AGBL1: variants seen among roughly 807,000 people sequenced by gnomAD.
The protein encoded by AGBL1 is cytosolic carboxypeptidase 4.
Under a neutral mutation model 118.9 loss-of-function variants are expected in AGBL1, and 130 were observed. That is an observed-to-expected ratio of 1.09 (90% CI 0.95 to 1.26). The LOEUF is 1.26. AGBL1 is among the 50% of genes most tolerant of loss of function. AGBL1 has a pLI of 0.00. For missense variants in AGBL1, 1,584 were observed against 1,298.1 expected (o/e 1.22, Z -3.38); for synonymous variants, 555 against 478.9 (o/e 1.16, Z -2.08).
At chr15:86,976,167 C>G (rs182107413) in intron 23 of AGBL1, among the ~76,000 whole-genome samples, 22 of 150,210 alleles carry the variant, frequency 1.5e-4, no homozygotes, top group African/African-American at 5.1e-4. Context: ...TATGATTTTA[C>G]TTATTTATGT....
At chr15:86,474,402 T>C (rs1304382004) in intron 18 of AGBL1, among the ~76,000 whole-genome samples, 1 of 152,200 alleles carries the variant, frequency 6.6e-6, no homozygotes, top group Non-Finnish European at 1.5e-5. Flanking sequence ...CCAATGGTCT[T>C]AGCAAGTGGC....
At chr15:86,177,755 A>G (rs2077500714) in intron 5 of AGBL1, among the ~76,000 whole-genome samples, 1 of 152,232 alleles carries the variant, frequency 6.6e-6, no homozygotes, top group African/African-American at 2.4e-5. Context: ...TGAAATGAGT[A>G]TAGCATATTA....
intron 20 of AGBL1, among the ~76,000 whole-genome samples, chr15:86,551,916 A>G (rs941261538): frequency 2.6e-5 from 4 of 152,222 alleles, no homozygotes; most frequent in African/African-American, 9.6e-5. Context: ...TTCCAGCTGT[A>G]TGACATTCTG....
chr15:86,165,071 G>C (rs1351555454), intron 5 of AGBL1, among the ~76,000 whole-genome samples: 3 of 152,188 alleles, frequency 2.0e-5, no homozygotes, highest in Non-Finnish European at 4.4e-5. Context: ...ATGAGATTGT[G>C]GAGGTCGGAG....
chr15:86,137,232 G>T (rs1297642176), intron 1 of AGBL1, among the ~76,000 whole-genome samples: 1 of 152,202 alleles, frequency 6.6e-6, no homozygotes, highest in Non-Finnish European at 1.5e-5. Context: ...TCAGCGCTAA[G>T]TGAGGGCATT....
At chr15:86,602,621 G>A (rs978934216) in intron 21 of AGBL1, among the ~76,000 whole-genome samples, 4 of 152,120 alleles carry the variant, frequency 2.6e-5, no homozygotes, top group Non-Finnish European at 5.9e-5. Context: ...AGGAATACAT[G>A]AATGATCTAG....
At chr15:86,810,000 T>A (rs1421698569) in intron 22 of AGBL1, among the ~76,000 whole-genome samples, 1 of 152,102 alleles carries the variant, frequency 6.6e-6, no homozygotes, top group East Asian at 1.9e-4. Context: ...TCCAGATTTT[T>A]AAAAAAATCT....
chr15:86,887,295 C>T (rs2079984221), intron 22 of AGBL1, among the ~76,000 whole-genome samples: 1 of 152,026 alleles, frequency 6.6e-6, no homozygotes, highest in South Asian at 2.1e-4. Context: ...TCTATCAAAT[C>T]GATCTATCTT....
intron 15 of AGBL1, 47 bp from the exon 16 acceptor site, chr15:86,279,592 C>T (rs183887714): frequency 1.3e-6 from 2 of 1,584,798 alleles, no homozygotes; most frequent in African/African-American, 1.3e-5. Flanking sequence ...CTGCACCCCC[C>T]TCCCACCTCT....
At chr15:86,821,442 T>G (rs756522727) in intron 22 of AGBL1, among the ~76,000 whole-genome samples, 28 of 152,220 alleles carry the variant, frequency 1.8e-4, no homozygotes, top group Non-Finnish European at 2.9e-4. Context: ...AACAACATTT[T>G]GGTCTTCGTG....
At chr15:86,955,961 T>C (rs910030012) in intron 23 of AGBL1, among the ~76,000 whole-genome samples, 2 of 152,126 alleles carry the variant, frequency 1.3e-5, no homozygotes, top group African/African-American at 2.4e-5. Context: ...CAAAATAGTC[T>C]AGCATTTTGG....
At chr15:86,545,957 A>G (rs150036549) in intron 19 of AGBL1, 45 bp from the exon 20 acceptor site, 209 of 1,593,500 alleles carry the variant, frequency 1.3e-4, no homozygotes, top group South Asian at 1.8e-4. Flanking sequence ...TAAGAAACCA[A>G]TGACCTGACC....
chr15:86,958,997 A>G (rs1346798166), intron 23 of AGBL1, among the ~76,000 whole-genome samples: 1 of 152,128 alleles, frequency 6.6e-6, no homozygotes, highest in African/African-American at 2.4e-5. Flanking sequence ...AATAATATAT[A>G]CTGTTTATAG....
intron 5 of AGBL1, among the ~76,000 whole-genome samples, chr15:86,191,475 A>T (rs967417909): frequency 5.3e-5 from 8 of 152,112 alleles, no homozygotes; most frequent in African/African-American, 1.9e-4. Flanking sequence ...AGAGAGAGCA[A>T]AGGCTTGTAA....
In AGBL1 at chr15:86,781,381, G is replaced by C. The variant is rs566643070; in HGVS notation, c.3158+106945G>C. On this transcript the variant is annotated intron_variant, in intron 22 of 22. Transcript: ENST00000614907. ...ACATTATGCCTCTAATTGTTTATAG[G>C]TTTCCCTTAATATTTCAATGTAACA... 1.2e-3 allele frequency among the ~76,000 whole-genome samples: 179 copies of C among 152,066 alleles called. 1 individual carries two copies. Among genetic ancestry groups the C allele is most frequent in the Admixed American group, 2.5e-3 (38 of 15,282 alleles).
intron 1 of AGBL1, 84 bp downstream of exon 1, chr15:86,080,107 C>G: frequency 9.2e-7 from 1 of 1,092,086 alleles, no homozygotes; most frequent in Non-Finnish European, 1.2e-6. Context: ...GCACACAGTC[C>G]CCTCTGGCAG....
rs529907561 is a variant in AGBL1, at chr15:86,544,365, T to C, written c.2686-1637T>C. Among the ~76,000 whole-genome samples, 284 of 152,306 alleles carry C rather than the reference T, an allele frequency of 1.9e-3. 1 individual carries two copies. The highest frequency in any genetic ancestry group is 6.6e-3 in the African/African-American group (274 of 41,566). Reference sequence around the variant, plus strand: ...GGGAACAGCAAGACAGCAAACCCCTTAATATGCCTCAGCTTGCATCATATT... The same window carrying C: ...GGGAACAGCAAGACAGCAAACCCCTCAATATGCCTCAGCTTGCATCATATT... On this transcript the variant is annotated intron_variant, in intron 19 of 22. Transcript: ENST00000614907.
intron 23 of AGBL1, among the ~76,000 whole-genome samples, chr15:86,984,832 C>T (rs555149777): frequency 6.6e-6 from 1 of 152,234 alleles, no homozygotes; most frequent in East Asian, 1.9e-4. Context: ...TGAGTTTTGA[C>T]AGACACATAC....
chr15:86,913,287 A>C lies in AGBL1; in HGVS notation c.*5993A>C, dbSNP rs2080376405. The C allele has an allele frequency of 6.6e-6, 1 of 152,126 alleles. No individual in the cohort carries two copies. 9.4% of individuals were successfully genotyped at this position (152,126 alleles called of 1,614,324 possible). Reference sequence around the variant, plus strand: ...GAAGGTTGATCCTCAGACACATGACACATGTTCATACAGGTGAGGGGCAGC... The same window carrying C: ...GAAGGTTGATCCTCAGACACATGACCCATGTTCATACAGGTGAGGGGCAGC... On this transcript the variant is annotated 3_prime_UTR_variant, in exon 23 of 23. Coordinates refer to ENST00000614907, the MANE Select transcript of AGBL1 (RefSeq NM_001386094.1).
Sources: gnomAD v4.1 joint callset for allele counts (sites outside exome capture counted in the v4.1 genomes callset) on GRCh38, gnomAD v4.1.1 for gene constraint, MANE v1.5 for transcripts, NCBI Gene and HGNC (gene_info 2026-07-23, HGNC 2026-07-21) for gene names.